SLC14A2: variants seen among roughly 807,000 people sequenced by gnomAD.
SLC14A2 encodes solute carrier family 14 member 2, also known as urea transporter 2.
SLC14A2 carries 91 observed loss-of-function variants against 104.6 expected under a neutral mutation model. The ratio of observed to expected loss-of-function variants is 0.87; its 90% confidence interval spans 0.73 to 1.04. SLC14A2 has a LOEUF of 1.04. Ranked by LOEUF, SLC14A2 falls within the 50% of genes least tolerant of loss-of-function variation. SLC14A2 has a pLI of 0.00. For synonymous variants in SLC14A2, 476 were observed against 466.4 expected, an observed-to-expected ratio of 1.02 and a Z score of -0.27; for missense variants, 1,189 against 1,156.0, an observed-to-expected ratio of 1.03 and a Z score of -0.41.
chr18:45,236,236 C>A (rs1271100417), intron 1 of SLC14A2, among the ~76,000 whole-genome samples: 2 of 31,096 alleles, frequency 6.4e-5, no homozygotes, highest in Non-Finnish European at 1.1e-4. Flanking sequence ...TGTATATATA[C>A]ATATATGTGT....
chr18:45,295,354 A>G (rs896453195), intron 1 of SLC14A2, among the ~76,000 whole-genome samples: 4 of 151,940 alleles, frequency 2.6e-5, no homozygotes, highest in Non-Finnish European at 5.9e-5. Context: ...AGCTGTTCAC[A>G]GTCCTCTAAG....
At chr18:45,203,304 C>A in the SLC14A2 span, among the ~76,000 whole-genome samples, 1 of 152,158 alleles carries the variant, frequency 6.6e-6, no homozygotes, top group Non-Finnish European at 1.5e-5. Context: ...GAGAAGGACT[C>A]CACATTCTTA....
chr18:45,294,124 T>C (rs2084897939), intron 1 of SLC14A2, among the ~76,000 whole-genome samples: 1 of 152,182 alleles, frequency 6.6e-6, no homozygotes, highest in African/African-American at 2.4e-5. Context: ...TGCCTCCACA[T>C]AGAATGAGAG....
intron 1 of SLC14A2, among the ~76,000 whole-genome samples, chr18:45,458,576 G>A (rs1400929979): frequency 6.6e-6 from 1 of 152,136 alleles, no homozygotes; most frequent in Non-Finnish European, 1.5e-5. Flanking sequence ...TGATGCATTT[G>A]ATTTTATAAA....
intron 1 of SLC14A2, among the ~76,000 whole-genome samples, chr18:45,402,686 C>G (rs1026936355): frequency 6.6e-6 from 1 of 152,210 alleles, no homozygotes; most frequent in South Asian, 2.1e-4. Context: ...CCACCCCAAC[C>G]CCACCTGCCA....
chr18:45,279,994 C>T (rs1568132952), intron 1 of SLC14A2, among the ~76,000 whole-genome samples: 1 of 152,210 alleles, frequency 6.6e-6, no homozygotes, highest in Non-Finnish European at 1.5e-5. Context: ...ACCCCCACCC[C>T]TGTGGTTGTC....
chr18:45,631,692 G>A (rs1176391603), intron 4 of SLC14A2, among the ~76,000 whole-genome samples: 2 of 152,202 alleles, frequency 1.3e-5, no homozygotes, highest in Non-Finnish European at 2.9e-5. Flanking sequence ...TGAGATCTTG[G>A]CTCACTGCAG....
At chr18:45,673,967 G>T (rs2046185824) in intron 18 of SLC14A2, 150 bp downstream of exon 18, 8 of 887,282 alleles carry the variant, frequency 9.0e-6, no homozygotes, top group African/African-American at 1.7e-5. Flanking sequence ...GAAGACGGTG[G>T]TGGAGGTTTG....
At chr18:45,360,195 G>A (rs2085596615) in intron 1 of SLC14A2, among the ~76,000 whole-genome samples, 1 of 152,126 alleles carries the variant, frequency 6.6e-6, no homozygotes, top group Admixed American at 6.5e-5. Flanking sequence ...GGCTGCCCCA[G>A]CCCCACAAAG....
upstream of SLC14A2, chr18:45,614,794 C>CTTTTTTTT (rs758644176): frequency 2.8e-5 from 3 of 105,404 alleles, no homozygotes; most frequent in African/African-American, 3.7e-5. Context: ...AACTAACTTG[C>CTTTTTTTT]TTTTTTTTTT....
chr18:45,346,700 G>A (rs934327866), intron 1 of SLC14A2, among the ~76,000 whole-genome samples: 1 of 152,048 alleles, frequency 6.6e-6, no homozygotes, highest in African/African-American at 2.4e-5. Context: ...GGCCAAGATG[G>A]GTGGATCACA....
In SLC14A2 at chr18:45,377,786, C is replaced by G. The variant is rs191076827; in HGVS notation, c.-124-105447C>G. The stretch of plus-strand genomic sequence containing the variant: ...ATTGTTCCTCTTCTCTGGGTGACAG[C>G]CTTCCATGATTCTCTATTACCTACT... On this transcript the variant is annotated intron_variant, in intron 1 of 20. Coordinates refer to the SLC14A2 transcript ENST00000586448. Among the ~76,000 whole-genome samples, 57 of 152,266 alleles carry G rather than the reference C, an allele frequency of 3.7e-4. 1 individual carries two copies. The highest frequency in any genetic ancestry group is 3.6e-3 in the Admixed American group (55 of 15,274).
At chr18:45,679,520 C>T (rs796445494) in intron 19 of SLC14A2, among the ~76,000 whole-genome samples, 13 of 152,300 alleles carry the variant, frequency 8.5e-5, no homozygotes, top group African/African-American at 2.9e-4. Flanking sequence ...ATCTGGGCTC[C>T]AGTGTAGGGT....
intron 1 of SLC14A2, among the ~76,000 whole-genome samples, chr18:45,399,586 G>A (rs1314343990): frequency 6.6e-6 from 1 of 152,192 alleles, no homozygotes; most frequent in Non-Finnish European, 1.5e-5. Flanking sequence ...TTTCCTGGTA[G>A]TGGCTGATTT....
chr18:45,312,781 T>G (rs1222285554), intron 1 of SLC14A2, among the ~76,000 whole-genome samples: 1 of 152,218 alleles, frequency 6.6e-6, no homozygotes, highest in East Asian at 1.9e-4. Flanking sequence ...TTTCACGTTT[T>G]CCAGTCTACT....
chr18:45,520,864 GC>G (rs2043507256), intron 2 of SLC14A2, among the ~76,000 whole-genome samples: 1 of 152,192 alleles, frequency 6.6e-6, no homozygotes, highest in Non-Finnish European at 1.5e-5. Flanking sequence ...AAAGCCCAGG[GC>G]ATATACAAGC....
At position 45,615,536 on chromosome 18, in the gene SLC14A2, C is replaced by T. The variant is rs2045049238; in HGVS notation, c.-81C>T. On this transcript the variant is annotated 5_prime_UTR_variant, in exon 1 of 20. Coordinates refer to ENST00000255226, the MANE Select transcript of SLC14A2 (RefSeq NM_007163.4). The stretch of plus-strand genomic sequence containing the variant: ...TCCAAGTTTGCTTCCCCTTCGCCTT[C>T]CACCATGACTGTAAGTTTCCTGAGG... 6.6e-6 allele frequency: 1 copy of T among 152,206 alleles called. No homozygotes were observed. Among genetic ancestry groups the T allele is most frequent in the African/African-American group, 2.4e-5 (1 of 41,432 alleles). The allele number at this position is 152,206 out of a possible 1,614,324, so 9.4% of individuals were successfully genotyped here.
At chr18:45,626,050 A>G (rs2045253504) in intron 3 of SLC14A2, among the ~76,000 whole-genome samples, 187 bp downstream of exon 3, 1 of 152,206 alleles carries the variant, frequency 6.6e-6, no homozygotes, top group Non-Finnish European at 1.5e-5. Context: ...GCTGACTCCA[A>G]GGGGATATGA....
intron 1 of SLC14A2, among the ~76,000 whole-genome samples, chr18:45,318,516 G>A (rs992233477): frequency 2.6e-5 from 4 of 152,044 alleles, no homozygotes; most frequent in Non-Finnish European, 5.9e-5. Flanking sequence ...GGTGAGGCGC[G>A]GTGACTCACA....
Sources: allele counts gnomAD v4.1 joint callset (sites outside exome capture counted in the v4.1 genomes callset), GRCh38; gene constraint gnomAD v4.1.1; transcripts MANE v1.5; gene names NCBI Gene and HGNC (gene_info 2026-07-23, HGNC 2026-07-21).